TSPAN9: variants seen among roughly 807,000 people sequenced by gnomAD.
The protein encoded by TSPAN9 is tetraspanin 9, also known as tetraspanin-9.
In TSPAN9, 16 loss-of-function variants were observed where a neutral mutation model predicts 31.0. The observed-to-expected ratio is 0.52, with a 90% confidence interval of 0.35 to 0.78. The LOEUF is 0.78. TSPAN9 is among the 30% of genes least tolerant of loss of function. The pLI is 0.01. For missense variants in TSPAN9, 272 were observed against 312.5 expected (o/e 0.87, Z 0.98); for synonymous variants, 145 against 121.6 (o/e 1.19, Z -1.27).
intron 2 of TSPAN9, among the ~76,000 whole-genome samples, chr12:3,166,544 G>A (rs1371950603): frequency 1.3e-5 from 2 of 152,176 alleles, no homozygotes; most frequent in East Asian, 1.9e-4. Context: ...AAGGGCTACC[G>A]GGATGAATAA....
chr12:3,137,213 C>T (rs1442586758), intron 2 of TSPAN9, among the ~76,000 whole-genome samples: 1 of 152,224 alleles, frequency 6.6e-6, no homozygotes, highest in Non-Finnish European at 1.5e-5. Flanking sequence ...CCGCCCCCAT[C>T]CCACCCTCTC....
chr12:3,270,364 A>G (rs1862650960), intron 3 of TSPAN9, among the ~76,000 whole-genome samples: 1 of 152,140 alleles, frequency 6.6e-6, no homozygotes, highest in East Asian at 1.9e-4. Flanking sequence ...CACATGATAG[A>G]TGCCCCCATC....
chr12:3,085,137 C>A (rs747547706), intron 2 of TSPAN9, among the ~76,000 whole-genome samples: 3 of 151,600 alleles, frequency 2.0e-5, no homozygotes, highest in Non-Finnish European at 4.4e-5. Context: ...AATCCCTGTG[C>A]TTTGGGAGGC....
At chr12:3,096,919 C>T (rs926197146) in intron 2 of TSPAN9, among the ~76,000 whole-genome samples, 1 of 152,050 alleles carries the variant, frequency 6.6e-6, no homozygotes, top group Non-Finnish European at 1.5e-5. Flanking sequence ...AGGATGGTCT[C>T]GATCTTCTCA....
intron 3 of TSPAN9, among the ~76,000 whole-genome samples, 182 bp from the exon 4 acceptor site, chr12:3,278,239 G>A (rs746617471): frequency 3.9e-5 from 6 of 152,188 alleles, no homozygotes; most frequent in African/African-American, 7.2e-5. Flanking sequence ...GAGGCTAGGG[G>A]ACTGTCTGGG....
intron 2 of TSPAN9, among the ~76,000 whole-genome samples, chr12:3,113,131 C>T (rs1591633579): frequency 3.3e-5 from 5 of 152,156 alleles, no homozygotes; most frequent in Non-Finnish European, 4.4e-5. Context: ...ACGAAGTTAC[C>T]GCCCTCATAA....
intron 2 of TSPAN9, among the ~76,000 whole-genome samples, chr12:3,103,691 C>T (rs528637927): frequency 6.6e-6 from 1 of 152,322 alleles, no homozygotes; most frequent in African/African-American, 2.4e-5. Flanking sequence ...AGCCACCAGC[C>T]TCAAAGGACT....
intron 2 of TSPAN9, among the ~76,000 whole-genome samples, chr12:3,106,390 A>G (rs2098314686): frequency 6.6e-6 from 1 of 152,214 alleles, no homozygotes; most frequent in Non-Finnish European, 1.5e-5. Context: ...GTGTTCTGAG[A>G]TCTGCAGACT....
At chr12:3,239,155 G>T (rs1036890823) in intron 3 of TSPAN9, among the ~76,000 whole-genome samples, 1 of 150,936 alleles carries the variant, frequency 6.6e-6, no homozygotes, top group East Asian at 1.9e-4. Flanking sequence ...GAGGCAAGGC[G>T]TAGAGGGGTG....
intron 2 of TSPAN9, among the ~76,000 whole-genome samples, chr12:3,086,291 A>G (rs1378721745): frequency 6.6e-6 from 1 of 151,416 alleles, no homozygotes; most frequent in East Asian, 1.9e-4. Flanking sequence ...GCACGATCCT[A>G]TCTGCATTTC....
At chr12:3,155,121 C>T (rs2159421) in intron 2 of TSPAN9, among the ~76,000 whole-genome samples, 11,068 of 152,088 alleles carry the variant, frequency 0.073, 589 homozygotes, top group African/African-American at 0.15. Context: ...AAAATTAAAA[C>T]GTGATGCGGA....
At chr12:3,231,458 C>T (rs1647856039) in intron 3 of TSPAN9, among the ~76,000 whole-genome samples, 1 of 152,232 alleles carries the variant, frequency 6.6e-6, no homozygotes, top group Admixed American at 6.5e-5. Flanking sequence ...AACAGTCCTG[C>T]ATCAGCCCCG....
At chr12:3,083,143 T>A (rs943273765) in intron 1 of TSPAN9, among the ~76,000 whole-genome samples, 1 of 152,262 alleles carries the variant, frequency 6.6e-6, no homozygotes, top group African/African-American at 2.4e-5. Context: ...AAGTTTTTAT[T>A]GCTCCATAAG....
chr12:3,093,313 G>A (rs2098305900), intron 2 of TSPAN9, among the ~76,000 whole-genome samples: 1 of 152,210 alleles, frequency 6.6e-6, no homozygotes, highest in African/African-American at 2.4e-5. Flanking sequence ...GTGGGGGGCA[G>A]TAGGGATCTT....
intron 2 of TSPAN9, among the ~76,000 whole-genome samples, chr12:3,108,061 T>G (rs1015941324): frequency 6.6e-6 from 1 of 151,472 alleles, no homozygotes; most frequent in African/African-American, 2.5e-5. Flanking sequence ...AGCGTTCCCC[T>G]CTGGGTGGAG....
intron 3 of TSPAN9, among the ~76,000 whole-genome samples, chr12:3,214,144 C>G (rs1387656411): frequency 6.6e-6 from 1 of 152,182 alleles, no homozygotes; most frequent in Non-Finnish European, 1.5e-5. Context: ...AGACTTGGAC[C>G]AGCTCATCTC....
At chr12:3,123,415 C>T (rs116323495) in intron 2 of TSPAN9, among the ~76,000 whole-genome samples, 1,649 of 152,218 alleles carry the variant, frequency 0.011, 29 homozygotes, top group African/African-American at 0.035. Flanking sequence ...ACCAGCTGCC[C>T]GCCTGCCGTC....
intron 2 of TSPAN9, among the ~76,000 whole-genome samples, chr12:3,100,963 A>G (rs1178561148): frequency 6.6e-6 from 1 of 152,222 alleles, no homozygotes; most frequent in Non-Finnish European, 1.5e-5. Context: ...ATGGTTACTA[A>G]GAAGAACAGT....
intron 2 of TSPAN9, among the ~76,000 whole-genome samples, chr12:3,174,652 C>G (rs1047758111): frequency 4.9e-4 from 75 of 151,894 alleles, no homozygotes; most frequent in African/African-American, 1.3e-3. Flanking sequence ...GCGCGATCTC[C>G]GCTCACTGCA....
Sources: allele counts gnomAD v4.1 joint callset (sites outside exome capture counted in the v4.1 genomes callset), GRCh38; gene constraint gnomAD v4.1.1; transcripts MANE v1.5; gene names NCBI Gene and HGNC (gene_info 2026-07-23, HGNC 2026-07-21).